The following KIF26B variants were observed in gnomAD, a reference collection of about 807,000 sequenced individuals.
KIF26B encodes kinesin family member 26B.
KIF26B carries 63 observed loss-of-function variants against 151.2 expected under a neutral mutation model. The observed-to-expected ratio is 0.42, with a 90% CI of 0.34 to 0.51. The LOEUF (loss-of-function observed/expected upper bound fraction) is 0.51. KIF26B is among the 20% of genes least tolerant of loss of function. The pLI, the probability that KIF26B is intolerant of heterozygous loss-of-function variation, is 0.07. For missense variants in KIF26B, 2,813 were observed against 2,913.6 expected, an observed-to-expected ratio of 0.97 and a Z score of 0.79; for synonymous variants, 1,357 against 1,262.1, an observed-to-expected ratio of 1.08 and a Z score of -1.59.
At chr1:245,435,464 C>T (rs748004980) in intron 4 of KIF26B, among the ~76,000 whole-genome samples, 1 of 152,178 alleles carries the variant, frequency 6.6e-6, no homozygotes, top group Admixed American at 6.5e-5. Flanking sequence ...GGTTCACTTG[C>T]TTACTAGTCC....
chr1:245,445,840 C>G (rs1659238718), intron 4 of KIF26B, among the ~76,000 whole-genome samples: 1 of 152,212 alleles, frequency 6.6e-6, no homozygotes, highest in Non-Finnish European at 1.5e-5. Flanking sequence ...CCTCCAGTCA[C>G]AGGGCCCCCA....
intron 2 of KIF26B, among the ~76,000 whole-genome samples, chr1:245,221,242 G>T (rs1303618195): frequency 6.6e-6 from 1 of 152,074 alleles, no homozygotes; most frequent in Non-Finnish European, 1.5e-5. Flanking sequence ...AACTTGTGAG[G>T]TCAACCCAAA....
chr1:245,251,002 G>A (rs921693563), intron 2 of KIF26B, among the ~76,000 whole-genome samples: 2 of 152,174 alleles, frequency 1.3e-5, no homozygotes, highest in East Asian at 1.9e-4. Flanking sequence ...AGGAAACCAC[G>A]TGCAAGCTTC....
At chr1:245,243,065 T>C (rs929887504) in intron 2 of KIF26B, among the ~76,000 whole-genome samples, 2 of 152,208 alleles carry the variant, frequency 1.3e-5, no homozygotes, top group Non-Finnish European at 2.9e-5. Flanking sequence ...ACATGGAAGT[T>C]CTCTGATATA....
chr1:245,467,459 T>A (rs1392299350), intron 4 of KIF26B, among the ~76,000 whole-genome samples: 1 of 152,166 alleles, frequency 6.6e-6, no homozygotes, highest in Non-Finnish European at 1.5e-5. Flanking sequence ...GTGAAGCCCG[T>A]CAGTGTTTGG....
chr1:245,694,071 C>T (rs1328722822), intron 12 of KIF26B, among the ~76,000 whole-genome samples: 2 of 152,186 alleles, frequency 1.3e-5, no homozygotes, highest in Admixed American at 6.5e-5. Flanking sequence ...GTCCTAGGTG[C>T]GGGGTTCGGA....
At chr1:245,242,427 T>C (rs1670224924) in intron 2 of KIF26B, among the ~76,000 whole-genome samples, 1 of 152,248 alleles carries the variant, frequency 6.6e-6, no homozygotes. Flanking sequence ...TTGTGTTAAC[T>C]AGCCCATGTA....
chr1:245,414,943 G>C (rs1002562107), intron 3 of KIF26B, among the ~76,000 whole-genome samples: 4 of 152,166 alleles, frequency 2.6e-5, no homozygotes, highest in African/African-American at 9.7e-5. Context: ...GGAAAAAAAC[G>C]GGAATCAGAG....
intron 4 of KIF26B, among the ~76,000 whole-genome samples, chr1:245,515,123 T>C (rs932338706): frequency 4.6e-5 from 7 of 152,152 alleles, no homozygotes; most frequent in African/African-American, 1.7e-4. Flanking sequence ...AAGAAAATGA[T>C]CACCCCCTCT....
chr1:245,507,220 G>A (rs2103082105), intron 4 of KIF26B, among the ~76,000 whole-genome samples: 1 of 152,304 alleles, frequency 6.6e-6, no homozygotes, highest in Admixed American at 6.5e-5. Context: ...AATAAGTCTG[G>A]AAACAGAGCA....
At chr1:245,345,052 A>G (rs1672419868) in intron 2 of KIF26B, among the ~76,000 whole-genome samples, 2 of 152,110 alleles carry the variant, frequency 1.3e-5, no homozygotes, top group South Asian at 2.1e-4. Context: ...ATTCTGAGCT[A>G]TTCCCCAGCA....
chr1:245,261,482 TCTCTCTCTCTCTCTCTCTCTCCCTCC>T (rs1670639179), intron 2 of KIF26B, among the ~76,000 whole-genome samples: 1 of 123,502 alleles, frequency 8.1e-6, no homozygotes, highest in African/African-American at 3.7e-5. Context: ...TCTCTCTCTC[TCTCTCTCTCTCTCTCTCTCTCCCTCC>T]CTCCCTCCCT....
intron 6 of KIF26B, among the ~76,000 whole-genome samples, chr1:245,604,175 G>GT (rs2103147504): frequency 6.6e-6 from 1 of 152,278 alleles, no homozygotes; most frequent in South Asian, 2.1e-4. Context: ...CATCTTTCTG[G>GT]TAAGTTTCTA....
chr1:245,216,476 C>G (rs1669649175), intron 2 of KIF26B, among the ~76,000 whole-genome samples: 1 of 136,348 alleles, frequency 7.3e-6, no homozygotes, highest in African/African-American at 2.7e-5. Context: ...TAGCACCAAA[C>G]TATTAAAAAT....
In KIF26B at chr1:245,685,455, G is replaced by A. The variant is rs763815332; in HGVS notation, c.2472G>A (p.Met824Ile). The A allele has an allele frequency of 6.2e-7, 1 of 1,613,684 alleles. No homozygotes were observed. Among genetic ancestry groups the A allele is most frequent in the Non-Finnish European group, 8.5e-7 (1 of 1,179,832 alleles). ...GGESSCEEGR[M>I]RRPTQLRPFH... ...AGAGCTCCTGCGAAGAAGGCCGCAT[G>A]CGCAGGCCCACCCAGCTGAGACCCT... Residue 824 changes from methionine (M) to isoleucine (I), a missense_variant, in exon 12 of 15, where the codon ATG (methionine) becomes ATA (isoleucine). This residue lies in a region of KIF26B where 2,060 missense variants were observed against 2,088.6 expected (regional missense o/e 0.99). Transcript: ENST00000407071.
intron 5 of KIF26B, among the ~76,000 whole-genome samples, chr1:245,565,050 T>A (rs2042995997): frequency 6.6e-6 from 1 of 152,142 alleles, no homozygotes; most frequent in African/African-American, 2.4e-5. Context: ...TACGTAGGGA[T>A]CACTTGAGCC....
At position 245,403,669 on chromosome 1, in the gene KIF26B, GA is replaced by G. The variant is rs532351826; in HGVS notation, c.1000-15903del. Among the ~76,000 whole-genome samples the G allele has an allele frequency of 3.4e-3, 516 of 152,130 alleles. 3 individuals are homozygous for G. The highest frequency in any genetic ancestry group is 0.012 in the African/African-American group (492 of 41,502). The stretch of plus-strand genomic sequence containing the variant: ...TTTGGCCTCCTCTCAGGCTCTGGGG[GA>G]AAAAAACCTCTACTAAATCTTAAGC... On this transcript the variant is annotated intron_variant, in intron 3 of 14. Coordinates refer to ENST00000407071, the MANE Select transcript of KIF26B (RefSeq NM_018012.4).
Position 245,698,691 on chromosome 1 carries a change from A to G in KIF26B, c.6028-196A>G, listed in dbSNP as rs1356142440. 6.6e-6 allele frequency among the ~76,000 whole-genome samples: 1 copy of G among 151,188 alleles called. No individual in the cohort carries two copies. Among genetic ancestry groups the G allele is most frequent in the Non-Finnish European group, 1.5e-5 (1 of 68,028 alleles). On this transcript the variant is annotated intron_variant, in intron 13 of 14. Transcript: ENST00000407071. The surrounding 1 kb of genome is among the most constrained non-coding windows in gnomAD (Gnocchi z 4.0). Reference sequence around the variant, plus strand: ...AAAAATGGTCTGTCATAGTCCAAGAATGGTCTGTCATAGTCCTACCTTGTG... The same window carrying G: ...AAAAATGGTCTGTCATAGTCCAAGAGTGGTCTGTCATAGTCCTACCTTGTG...
At chr1:245,568,176 C>G (rs1357362584) in intron 5 of KIF26B, among the ~76,000 whole-genome samples, 1 of 92,110 alleles carries the variant, frequency 1.1e-5, no homozygotes, top group Non-Finnish European at 1.9e-5. Flanking sequence ...CAGAGTGAAA[C>G]TCCATCTCAA....
Sources: gnomAD v4.1 joint callset for allele counts (sites outside exome capture counted in the v4.1 genomes callset) on GRCh38, gnomAD v4.1.1 for gene constraint, gnomAD v4.1.1 regional missense constraint, Gnocchi (gnomAD v3.1) non-coding constraint, MANE v1.5 for transcripts, NCBI Gene and HGNC (gene_info 2026-07-23, HGNC 2026-07-21) for gene names.